The following TANK variants were observed in gnomAD, a reference collection of about 807,000 sequenced individuals.
The protein encoded by TANK is TRAF family member-associated NF-kappa-B activator.
TANK carries 15 observed loss-of-function variants against 43.6 expected under a neutral mutation model. The ratio of observed to expected loss-of-function variants is 0.34; its 90% CI spans 0.23 to 0.53. TANK has a LOEUF of 0.53. TANK is among the 20% of genes least tolerant of loss of function. The pLI is 0.94. For missense variants in TANK, 417 were observed against 498.6 expected, an observed-to-expected ratio of 0.84 and a Z score of 1.56; for synonymous variants, 162 against 178.2, an observed-to-expected ratio of 0.91 and a Z score of 0.73.
chr2:161,194,808 A>G (rs578080765), intron 2 of TANK, among the ~76,000 whole-genome samples: 1 of 152,258 alleles, frequency 6.6e-6, no homozygotes, highest in East Asian at 1.9e-4. Flanking sequence ...TTTTCACATA[A>G]AATGTAAATG....
intron 2 of TANK, among the ~76,000 whole-genome samples, chr2:161,188,717 A>G (rs559462206): frequency 1.4e-4 from 22 of 152,324 alleles, no homozygotes; most frequent in Non-Finnish European, 2.4e-4. Flanking sequence ...ATTAGAAAAG[A>G]AAACTACAGA....
chr2:161,226,657 G>A (rs1687631598), intron 6 of TANK, among the ~76,000 whole-genome samples: 1 of 152,026 alleles, frequency 6.6e-6, no homozygotes, highest in Admixed American at 6.5e-5. Flanking sequence ...AAAATACTGA[G>A]TTAGTAGAAT....
At chr2:161,164,992 C>T (rs571220678) in intron 1 of TANK, among the ~76,000 whole-genome samples, 2 of 147,106 alleles carry the variant, frequency 1.4e-5, no homozygotes, top group Admixed American at 1.4e-4. Context: ...TGAGAGTAAA[C>T]ATTTTGAGTA....
chr2:161,179,998 T>C, intron 2 of TANK: 2 of 1,184,034 alleles, frequency 1.7e-6, no homozygotes, highest in Non-Finnish European at 1.0e-6. Flanking sequence ...TTGTGAAAGA[T>C]TGTGAATGTT....
chr2:161,212,892 A>G, intron 4 of TANK: 1 of 581,882 alleles, frequency 1.7e-6, no homozygotes, highest in Non-Finnish European at 2.2e-6. Context: ...AAAAAGGTTT[A>G]TTTGGCTCAT....
At chr2:161,169,712 G>A (rs1042451771) in intron 1 of TANK, among the ~76,000 whole-genome samples, 3 of 152,182 alleles carry the variant, frequency 2.0e-5, no homozygotes, top group Non-Finnish European at 2.9e-5. Flanking sequence ...GGTACGTATA[G>A]CTCTGATTAA....
In TANK at chr2:161,231,489, C is replaced by T. The variant is rs1233083587; in HGVS notation, c.1039C>T (p.Pro347Ser). 1.2e-6 allele frequency: 2 copies of T among 1,613,624 alleles called. No individual in the cohort carries two copies. The highest frequency in any genetic ancestry group is 1.7e-6 in the Non-Finnish European group (2 of 1,180,022). Residue 347 changes from proline (P) to serine (S), a missense_variant, in exon 7 of 8, where the codon CCA becomes TCA. Transcript: ENST00000392749. Reference protein sequence around the residue: ...LYVNSFPLLDPSDAPFPSLDS... With the variant: ...LYVNSFPLLDSSDAPFPSLDS... Reference sequence around the variant, plus strand: ...TGTAAATAGCTTCCCACTTCTGGACCCATCTGATGCACCTTTTCCCTCACT... The same window carrying T: ...TGTAAATAGCTTCCCACTTCTGGACTCATCTGATGCACCTTTTCCCTCACT...
chr2:161,214,944 C>G (rs1460139885), intron 4 of TANK, among the ~76,000 whole-genome samples: 1 of 152,148 alleles, frequency 6.6e-6, no homozygotes, highest in Non-Finnish European at 1.5e-5. Context: ...CTTGGGGAAC[C>G]CACCATTTTA....
At chr2:161,178,828 T>C (rs1232516783) in intron 1 of TANK, among the ~76,000 whole-genome samples, 1 of 152,160 alleles carries the variant, frequency 6.6e-6, no homozygotes, top group Non-Finnish European at 1.5e-5. Context: ...CTGTGACTTT[T>C]AGAGAATTAA....
intron 2 of TANK, among the ~76,000 whole-genome samples, chr2:161,201,556 G>GA (rs1018255844): frequency 1.4e-4 from 21 of 152,018 alleles, no homozygotes; most frequent in African/African-American, 5.1e-4. Context: ...AAAATAAAGT[G>GA]AAAAAAATAG....
At position 161,222,043 on chromosome 2, in the gene TANK, C is replaced by G. The variant is rs575802967; in HGVS notation, c.328-1872C>G. 5.9e-5 allele frequency among the ~76,000 whole-genome samples: 9 copies of G among 152,104 alleles called. No individual in the cohort carries two copies. In the South Asian group the frequency reaches 1.7e-3, roughly 28 times the overall value. On this transcript the variant is annotated intron_variant, in intron 4 of 7. Coordinates refer to ENST00000392749, the MANE Select transcript of TANK (RefSeq NM_001199135.3). ...AAGTAAGTTAGCATCAATTATTTAC[C>G]AAGCGAGACAAAGGTTTGTCATTTT...
chr2:161,174,243 A>AT (rs970644491), intron 1 of TANK, among the ~76,000 whole-genome samples: 17 of 151,914 alleles, frequency 1.1e-4, no homozygotes, highest in Admixed American at 3.9e-4. Flanking sequence ...TAAAGGCTGT[A>AT]TTTTTTTTCA....
At chr2:161,195,616 C>T (rs1433934366) in intron 2 of TANK, among the ~76,000 whole-genome samples, 1 of 151,740 alleles carries the variant, frequency 6.6e-6, no homozygotes, top group Non-Finnish European at 1.5e-5. Flanking sequence ...GCGTAAGGAG[C>T]CATTTAAGGT....
chr2:161,224,569 GATT>G (rs1434448308), intron 5 of TANK, 59 bp from the exon 6 acceptor site: 4 of 696,056 alleles, frequency 5.7e-6, no homozygotes, highest in Non-Finnish European at 9.2e-6. Flanking sequence ...ACATAAGTTT[GATT>G]ATTTAAAAAA....
At chr2:161,226,563 T>C (rs1162409851) in intron 6 of TANK, among the ~76,000 whole-genome samples, 1 of 152,160 alleles carries the variant, frequency 6.6e-6, no homozygotes, top group African/African-American at 2.4e-5. Context: ...ACAATATATC[T>C]GGGAAGAGTA....
chr2:161,234,576 A>C (rs190427918), intron 7 of TANK, among the ~76,000 whole-genome samples: 12 of 152,334 alleles, frequency 7.9e-5, no homozygotes, highest in Middle Eastern at 3.4e-3. Context: ...TGCTGGTTAT[A>C]GTGGAGGTGG....
intron 1 of TANK, among the ~76,000 whole-genome samples, chr2:161,154,843 C>T (rs1684180863): frequency 6.6e-6 from 1 of 151,800 alleles, no homozygotes; most frequent in African/African-American, 2.4e-5. Flanking sequence ...CTCCCAGGTG[C>T]AAATGATTCT....
chr2:161,156,124 T>C (rs572275533), upstream of TANK: 3 of 985,472 alleles, frequency 3.0e-6, no homozygotes, highest in South Asian at 9.4e-5. Context: ...GTCTCTGTTC[T>C]ATTTACCCCA....
intron 1 of TANK, among the ~76,000 whole-genome samples, chr2:161,142,066 T>C (rs1683764762): frequency 6.6e-6 from 1 of 152,192 alleles, no homozygotes; most frequent in Non-Finnish European, 1.5e-5. Flanking sequence ...GATTTGCATT[T>C]CTCTAATGAT....
Sources: allele counts gnomAD v4.1 joint callset (sites outside exome capture counted in the v4.1 genomes callset), GRCh38; gene constraint gnomAD v4.1.1; transcripts MANE v1.5; gene names NCBI Gene and HGNC (gene_info 2026-07-23, HGNC 2026-07-21).